Variants in SUGCT observed in about 807,000 individuals in gnomAD.
The protein encoded by SUGCT is succinyl-CoA:glutarate CoA-transferase.
Under a neutral mutation model 55.0 loss-of-function variants are expected in SUGCT, and 41 were observed. The observed-to-expected ratio is 0.74, with a 90% CI of 0.58 to 0.97. SUGCT has a LOEUF of 0.97. Ranked by LOEUF, SUGCT falls within the 50% of genes least tolerant of loss-of-function variation. SUGCT has a pLI of 0.00. For missense variants in SUGCT, 568 were observed against 547.8 expected, an observed-to-expected ratio of 1.04 and a Z score of -0.37; for synonymous variants, 187 against 200.4, an observed-to-expected ratio of 0.93 and a Z score of 0.56.
chr7:40,163,374 G>C (rs1784270507), intron 1 of SUGCT, among the ~76,000 whole-genome samples: 1 of 152,250 alleles, frequency 6.6e-6, no homozygotes, highest in African/African-American at 2.4e-5. Context: ...GGGAGGTCGA[G>C]GTGGGCAGAT....
chr7:40,159,869 C>T (rs1300171130), intron 1 of SUGCT, among the ~76,000 whole-genome samples: 1 of 152,060 alleles, frequency 6.6e-6, no homozygotes, highest in East Asian at 1.9e-4. Context: ...GCAGAGAGTG[C>T]CTATGTAAAT....
the SUGCT span, among the ~76,000 whole-genome samples, chr7:40,919,461 A>C: frequency 1.3e-3 from 194 of 152,302 alleles, 1 homozygote; most frequent in African/African-American, 4.3e-3. Flanking sequence ...AAATGACCCC[A>C]AACGGGGGGT....
chr7:40,700,315 T>A (rs1368676011), intron 12 of SUGCT, among the ~76,000 whole-genome samples: 1 of 152,144 alleles, frequency 6.6e-6, no homozygotes, highest in Non-Finnish European at 1.5e-5. Flanking sequence ...CAGGAGAACT[T>A]AGCTTCTTCC....
At chr7:40,881,415 A>AT in the SUGCT span, among the ~76,000 whole-genome samples, 123 of 152,262 alleles carry the variant, frequency 8.1e-4, no homozygotes, top group Middle Eastern at 6.8e-3. Context: ...ATGTACAGAG[A>AT]TTTTAGTGAA....
At chr7:40,793,755 G>A (rs961936460) in intron 13 of SUGCT, among the ~76,000 whole-genome samples, 1 of 151,988 alleles carries the variant, frequency 6.6e-6, no homozygotes, top group Non-Finnish European at 1.5e-5. Flanking sequence ...TCTCCTTCTA[G>A]AACTCCAGTT....
At chr7:40,952,180 T>C in the SUGCT span, among the ~76,000 whole-genome samples, 1 of 152,232 alleles carries the variant, frequency 6.6e-6, no homozygotes, top group Admixed American at 6.5e-5. Flanking sequence ...GCTCTTCTTG[T>C]TGCATTCATC....
At chr7:40,374,319 T>C (rs1313308209) in intron 9 of SUGCT, among the ~76,000 whole-genome samples, 1 of 152,100 alleles carries the variant, frequency 6.6e-6, no homozygotes, top group African/African-American at 2.4e-5. Flanking sequence ...TGTGAGGTGG[T>C]AGGTGGTGTC....
chr7:40,901,408 A>G, the SUGCT span, among the ~76,000 whole-genome samples: 10 of 152,310 alleles, frequency 6.6e-5, no homozygotes, highest in African/African-American at 2.2e-4. Flanking sequence ...GCCTGGCCCT[A>G]TCTATCTCAC....
At chr7:40,993,484 G>A in the SUGCT span, among the ~76,000 whole-genome samples, 1 of 152,166 alleles carries the variant, frequency 6.6e-6, no homozygotes, top group Non-Finnish European at 1.5e-5. Flanking sequence ...GCTTCTCAGA[G>A]GGAAGATGGA....
At chr7:41,029,283 G>C in the SUGCT span, among the ~76,000 whole-genome samples, 1 of 152,118 alleles carries the variant, frequency 6.6e-6, no homozygotes, top group Non-Finnish European at 1.5e-5. Flanking sequence ...ATGGGGCCTC[G>C]GCTATATCCG....
At chr7:40,779,956 A>G (rs1014373261) in intron 13 of SUGCT, among the ~76,000 whole-genome samples, 5 of 152,200 alleles carry the variant, frequency 3.3e-5, no homozygotes, top group African/African-American at 4.8e-5. Context: ...TGTAAGGTAC[A>G]GTGCTGTCGG....
chr7:40,609,604 A>G (rs951257650), intron 12 of SUGCT, among the ~76,000 whole-genome samples: 11 of 151,910 alleles, frequency 7.2e-5, no homozygotes, highest in African/African-American at 2.7e-4. Flanking sequence ...TCTTTCACAC[A>G]CTGTTTCTTA....
chr7:40,529,898 C>A (rs1793996732), intron 12 of SUGCT, among the ~76,000 whole-genome samples: 1 of 152,084 alleles, frequency 6.6e-6, no homozygotes, highest in Non-Finnish European at 1.5e-5. Context: ...TTCAAAGGTA[C>A]AAGGAAAGTT....
intron 13 of SUGCT, among the ~76,000 whole-genome samples, chr7:40,839,609 C>G (rs879304191): frequency 3.9e-5 from 6 of 152,012 alleles, no homozygotes; most frequent in Admixed American, 3.9e-4. Flanking sequence ...GTTCAACTTA[C>G]CTATTTTAAT....
chr7:40,895,892 T>C, the SUGCT span, among the ~76,000 whole-genome samples: 1 of 152,174 alleles, frequency 6.6e-6, no homozygotes, highest in Non-Finnish European at 1.5e-5. Context: ...ACAGCTAATA[T>C]CATTTTTAAT....
chr7:40,827,592 A>G (rs949115114), intron 13 of SUGCT, among the ~76,000 whole-genome samples: 1 of 152,116 alleles, frequency 6.6e-6, no homozygotes, highest in African/African-American at 2.4e-5. Context: ...AGACAAAGGA[A>G]GCTTGGCTCT....
chr7:40,614,665 GT>G (rs1798911281), intron 12 of SUGCT, among the ~76,000 whole-genome samples: 1 of 152,094 alleles, frequency 6.6e-6, no homozygotes, highest in Non-Finnish European at 1.5e-5. Flanking sequence ...TTAGGAAAGT[GT>G]TTTTCTCCTG....
intron 12 of SUGCT, among the ~76,000 whole-genome samples, chr7:40,736,969 C>A (rs1198820176): frequency 1.3e-5 from 2 of 152,018 alleles, no homozygotes; most frequent in Admixed American, 6.6e-5. Flanking sequence ...AGCTAAAAAT[C>A]ATTGATTTTG....
intron 1 of SUGCT, among the ~76,000 whole-genome samples, chr7:40,144,193 A>G (rs924314465): frequency 4.6e-5 from 7 of 152,208 alleles, no homozygotes; most frequent in Non-Finnish European, 1.5e-5. Flanking sequence ...GGAGAGAGGT[A>G]CTTTTCTGAA....
Sources: allele counts gnomAD v4.1 joint callset (sites outside exome capture counted in the v4.1 genomes callset), GRCh38; gene constraint gnomAD v4.1.1; transcripts MANE v1.5; gene names NCBI Gene and HGNC (gene_info 2026-07-23, HGNC 2026-07-21).